TEC: variants seen among roughly 807,000 people sequenced by gnomAD.
TEC encodes tyrosine-protein kinase Tec.
TEC carries 72 observed loss-of-function variants against 93.0 expected under a neutral mutation model. That is an observed-to-expected ratio of 0.77 (90% CI 0.64 to 0.94). The LOEUF (loss-of-function observed/expected upper bound fraction) is 0.94, where lower values mean the gene tolerates loss of function less well. Among genes scored for constraint, TEC ranks in the 40% least tolerant of loss-of-function variants. TEC has a pLI of 0.00. For missense variants in TEC, 630 were observed against 757.9 expected (o/e 0.83, Z 1.98); for synonymous variants, 249 against 247.7 (o/e 1.01, Z -0.05).
intron 2 of TEC, among the ~76,000 whole-genome samples, chr4:48,187,621 C>T (rs1721935832): frequency 6.6e-6 from 1 of 152,176 alleles, no homozygotes; most frequent in Non-Finnish European, 1.5e-5. Flanking sequence ...TTCCATACCT[C>T]CTGGCAACCC....
At chr4:48,173,008 G>C (rs759910200) in intron 3 of TEC, among the ~76,000 whole-genome samples, 2 of 152,114 alleles carry the variant, frequency 1.3e-5, no homozygotes, top group Non-Finnish European at 2.9e-5. Flanking sequence ...AATTTACTGA[G>C]TCCCCACAAT....
chr4:48,237,066 T>G (rs1207199501), intron 1 of TEC, among the ~76,000 whole-genome samples: 1 of 152,174 alleles, frequency 6.6e-6, no homozygotes, highest in African/African-American at 2.4e-5. Flanking sequence ...GTGCGGTGAC[T>G]TACGCCTGTA....
At chr4:48,153,224 A>G (rs1268504990) in intron 9 of TEC, among the ~76,000 whole-genome samples, 1 of 152,134 alleles carries the variant, frequency 6.6e-6, no homozygotes, top group Non-Finnish European at 1.5e-5. Context: ...TCAAGCCAAA[A>G]AAAAAAAAGA....
chr4:48,149,033 C>T (rs1399633843), intron 11 of TEC, among the ~76,000 whole-genome samples: 1 of 152,186 alleles, frequency 6.6e-6, no homozygotes. Context: ...TCATAGATTC[C>T]ATGGTGTATC....
chr4:48,222,545 G>A (rs1455909428), intron 2 of TEC, among the ~76,000 whole-genome samples: 2 of 152,132 alleles, frequency 1.3e-5, no homozygotes, highest in African/African-American at 4.8e-5. Flanking sequence ...GTGTCTGTGA[G>A]AGTGTTTCTC....
chr4:48,263,538 A>G (rs1421050607), intron 1 of TEC, among the ~76,000 whole-genome samples: 1 of 152,130 alleles, frequency 6.6e-6, no homozygotes, highest in African/African-American at 2.4e-5. Flanking sequence ...ACATGGTGAA[A>G]CCCTGTCTCT....
intron 7 of TEC, among the ~76,000 whole-genome samples, chr4:48,165,833 C>T (rs1720853107): frequency 6.6e-6 from 1 of 151,996 alleles, no homozygotes; most frequent in African/African-American, 2.4e-5. Flanking sequence ...TTGAATAAAC[C>T]AACAGTAAAA....
At chr4:48,203,882 A>G (rs1722614687) in intron 2 of TEC, among the ~76,000 whole-genome samples, 1 of 152,248 alleles carries the variant, frequency 6.6e-6, no homozygotes, top group African/African-American at 2.4e-5. Flanking sequence ...TACAGGCAGC[A>G]CAGACACAGG....
chr4:48,174,303 G>A (rs1419171507), intron 3 of TEC, among the ~76,000 whole-genome samples: 3 of 152,150 alleles, frequency 2.0e-5, no homozygotes, highest in African/African-American at 4.8e-5. Flanking sequence ...GCTGGGTCCA[G>A]AATCATGACA....
chr4:48,167,217 T>C (rs1720903320), intron 7 of TEC, among the ~76,000 whole-genome samples: 1 of 152,162 alleles, frequency 6.6e-6, no homozygotes, highest in Admixed American at 6.6e-5. Flanking sequence ...TTTAATTTCC[T>C]GCATGTACAT....
At chr4:48,217,039 A>G (rs1186687261) in intron 2 of TEC, among the ~76,000 whole-genome samples, 3 of 152,196 alleles carry the variant, frequency 2.0e-5, no homozygotes, top group Non-Finnish European at 2.9e-5. Flanking sequence ...AACTGTTTTA[A>G]TACAAAATAA....
At chr4:48,231,854 A>G (rs918267955) in intron 1 of TEC, among the ~76,000 whole-genome samples, 29 of 152,372 alleles carry the variant, frequency 1.9e-4, no homozygotes, top group African/African-American at 7.0e-4. Flanking sequence ...AGTGAGCAAT[A>G]CCATTGTAAA....
At chr4:48,152,636 TG>T (rs1720222553) in intron 9 of TEC, among the ~76,000 whole-genome samples, 1 of 152,138 alleles carries the variant, frequency 6.6e-6, no homozygotes, top group Non-Finnish European at 1.5e-5. Context: ...AAAGACTGGC[TG>T]GGTAATTTGC....
Position 48,145,468 on chromosome 4 carries a change from T to C in TEC, c.1193A>G (p.Lys398Arg), listed in dbSNP as rs765018274. 2 of 1,614,186 alleles carry C rather than the reference T, an allele frequency of 1.2e-6. No individual in the cohort carries two copies. The highest frequency in any genetic ancestry group is 1.3e-5 in the African/African-American group (1 of 75,062). The change falls in exon 13 of 18, where the codon AAA (lysine) becomes AGA (arginine). Residue 398 changes from lysine (K) to arginine (R), a missense_variant. By Grantham distance (26) the Lys-to-Arg change is conservative. This residue lies in a region of TEC where 289 missense variants were observed against 390.0 expected (regional missense o/e 0.74). Coordinates refer to ENST00000381501, the MANE Select transcript of TEC (RefSeq NM_003215.3). Reference protein sequence around the residue: ...KWRAQYKVAIKAIREGAMCEE... With the variant: ...KWRAQYKVAIRAIREGAMCEE... ...GCACATTGCACCTTCCCGAATAGCT[T>C]TGATTGCGACTTTGTACTGGGCTCG...
intron 1 of TEC, among the ~76,000 whole-genome samples, chr4:48,229,356 T>C (rs973312380): frequency 1.8e-4 from 28 of 152,356 alleles, no homozygotes; most frequent in African/African-American, 6.7e-4. Context: ...TATTCATACC[T>C]AGACTGAGCC....
Position 48,136,614 on chromosome 4 carries a change from G to C in TEC, c.*802C>G, listed in dbSNP as rs1719432069. 1 of 152,132 alleles carries C rather than the reference G, an allele frequency of 6.6e-6. No homozygotes were observed. Among genetic ancestry groups the C allele is most frequent in the Non-Finnish European group, 1.5e-5 (1 of 68,042 alleles). The allele number at this position is 152,132 out of a possible 1,614,324, so 9.4% of individuals were successfully genotyped here. On this transcript the variant is annotated 3_prime_UTR_variant, in exon 18 of 18. Coordinates refer to ENST00000381501, the MANE Select transcript of TEC (RefSeq NM_003215.3). Reference sequence around the variant, plus strand: ...AAATGCACGTGGTTAAGCTGGACAGGCATCCCCAGACACATTTACCTGAGT... The same window carrying C: ...AAATGCACGTGGTTAAGCTGGACAGCCATCCCCAGACACATTTACCTGAGT...
chr4:48,179,362 A>C (rs1350351729), intron 2 of TEC, among the ~76,000 whole-genome samples: 6 of 39,444 alleles, frequency 1.5e-4, no homozygotes, highest in African/African-American at 5.8e-4. Flanking sequence ...ATATATATAT[A>C]TATATATATA....
rs551354875 is a variant in TEC, at chr4:48,167,963, G to C, written c.496-10C>G. ...GTGGGGGAGGCCTTCGCTAGACAAG[G>C]AAGATAACATTTGAAAGTTTAGTCT... On this transcript the variant is annotated splice_polypyrimidine_tract_variant and intron_variant, in intron 6 of 17. Coordinates refer to ENST00000381501, the MANE Select transcript of TEC (RefSeq NM_003215.3). 5.3e-5 allele frequency: 85 copies of C among 1,612,874 alleles called. No individual in the cohort carries two copies. Among genetic ancestry groups the C allele is most frequent in the Non-Finnish European group, 7.0e-5 (83 of 1,179,464 alleles).
intron 2 of TEC, among the ~76,000 whole-genome samples, chr4:48,181,538 T>G (rs1259824181): frequency 6.6e-6 from 1 of 151,398 alleles, no homozygotes; most frequent in Non-Finnish European, 1.5e-5. Flanking sequence ...CCAGACATGG[T>G]GGTGCGCACC....
Sources: gnomAD v4.1 joint callset for allele counts (sites outside exome capture counted in the v4.1 genomes callset) on GRCh38, gnomAD v4.1.1 for gene constraint, gnomAD v4.1.1 regional missense constraint, MANE v1.5 for transcripts, NCBI Gene and HGNC (gene_info 2026-07-23, HGNC 2026-07-21) for gene names.